Variants in KDM4C observed in about 807,000 individuals in gnomAD.
KDM4C encodes the protein lysine-specific demethylase 4C.
Under a neutral mutation model 129.3 loss-of-function variants are expected in KDM4C, and 81 were observed. The observed-to-expected ratio is 0.63, with a 90% CI of 0.52 to 0.75. The LOEUF (loss-of-function observed/expected upper bound fraction) is 0.75, where lower values mean the gene tolerates loss of function less well. KDM4C is among the 30% of genes least tolerant of loss of function. The probability of loss-of-function intolerance (pLI) is 0.00; values close to 1 mark genes in which losing one functional copy is unlikely to be tolerated. For synonymous variants in KDM4C, 573 were observed against 456.1 expected, an observed-to-expected ratio of 1.26 and a Z score of -3.26; for missense variants, 1,457 against 1,304.0, an observed-to-expected ratio of 1.12 and a Z score of -1.81.
chr9:6,998,241 T>G (rs1820121269), intron 12 of KDM4C, among the ~76,000 whole-genome samples: 1 of 152,200 alleles, frequency 6.6e-6, no homozygotes, highest in African/African-American at 2.4e-5. Flanking sequence ...ATTTATTTCT[T>G]GGGACGTCTG....
intron 19 of KDM4C, among the ~76,000 whole-genome samples, chr9:7,163,691 A>C (rs1844052262): frequency 6.6e-6 from 1 of 152,120 alleles, no homozygotes. Flanking sequence ...GTACCGCATA[A>C]ATCTTGGGAA....
intron 18 of KDM4C, among the ~76,000 whole-genome samples, chr9:7,115,993 C>T (rs1838854108): frequency 6.6e-6 from 1 of 152,182 alleles, no homozygotes; most frequent in Admixed American, 6.5e-5. Context: ...TTCTTGTCTT[C>T]TCATCCTACA....
At position 7,000,875 on chromosome 9, in the gene KDM4C, G is replaced by A. The variant is rs983824899; in HGVS notation, c.1786+10351G>A. Among the ~76,000 whole-genome samples, 12 of 152,138 alleles carry A rather than the reference G, an allele frequency of 7.9e-5. No homozygotes were observed. The East Asian group carries it at 2.3e-3, about 29-fold the overall frequency. On this transcript the variant is annotated intron_variant, in intron 12 of 21. Coordinates refer to ENST00000381309, the MANE Select transcript of KDM4C (RefSeq NM_015061.6). ...AATTAGCTCTGAAGATGTAGAATCA[G>A]CATGGAAAGTTTATGTATATTTCAA...
At chr9:6,797,208 A>T (rs1282826566) in intron 2 of KDM4C, among the ~76,000 whole-genome samples, 1 of 151,876 alleles carries the variant, frequency 6.6e-6, no homozygotes, top group African/African-American at 2.4e-5. Flanking sequence ...AGTGGTCTTG[A>T]ACTCCTGAGC....
chr9:6,767,036 TTGAA>T (rs1332042431), intron 1 of KDM4C, among the ~76,000 whole-genome samples: 1 of 152,208 alleles, frequency 6.6e-6, no homozygotes, highest in Non-Finnish European at 1.5e-5. Context: ...ATCAGATACT[TTGAA>T]TGGTCACAGG....
rs554170144 is a variant in KDM4C at position 6,850,859 on chromosome 9, A to G, written c.629+1159A>G. Among the ~76,000 whole-genome samples, 17 of 152,212 alleles carry G rather than the reference A, an allele frequency of 1.1e-4. No homozygotes were observed. The South Asian group carries it at 2.3e-3, about 20-fold the overall frequency. ...AACCTCCACCTCCTAGGTTCAAGCG[A>G]TTCTCCTGCCTCAGCCTCCCGAGTA... On this transcript the variant is annotated intron_variant, in intron 5 of 21. Transcript: ENST00000381309.
Position 7,018,742 on chromosome 9 carries a change from C to G in KDM4C, c.2259+2813C>G, listed in dbSNP as rs189838038. ...TAGGCCACTCACCCTGATTCTAAAG[C>G]TGGTTCTGATTGATTATGCTGTTTT... On this transcript the variant is annotated intron_variant, in intron 15 of 21. Transcript: ENST00000381309. Among the ~76,000 whole-genome samples the G allele has an allele frequency of 3.9e-4, 59 of 152,338 alleles. 1 individual carries two copies. In the Middle Eastern group the frequency reaches 0.014, roughly 35 times the overall value.
chr9:7,119,691 A>T (rs2133281688), intron 18 of KDM4C, among the ~76,000 whole-genome samples: 1 of 152,212 alleles, frequency 6.6e-6, no homozygotes, highest in Admixed American at 6.5e-5. Context: ...ATTTGTTTGT[A>T]ATCTTCTGTG....
chr9:6,935,047 G>C (rs1824507922), intron 8 of KDM4C, among the ~76,000 whole-genome samples: 1 of 151,640 alleles, frequency 6.6e-6, no homozygotes, highest in African/African-American at 2.4e-5. Flanking sequence ...CTGGTTTTGG[G>C]GAAAATTTTC....
intron 8 of KDM4C, among the ~76,000 whole-genome samples, chr9:6,894,281 G>A (rs897740321): frequency 6.6e-6 from 1 of 152,184 alleles, no homozygotes; most frequent in Non-Finnish European, 1.5e-5. Context: ...TTGACATAAA[G>A]GAAAGCCCCT....
At position 6,986,528 on chromosome 9, in the gene KDM4C, A is replaced by T; in HGVS notation, c.1539A>T (p.Ser513=). ...SELSWPKSPE[S]CSSVAESNGV... is the part of the protein sequence containing the mutation. Reference sequence around the variant, plus strand: ...TTTCATGGCCAAAGTCACCTGAGTCATGCTCATCAGTGGCAGAGAGTAATG... The same window carrying T: ...TTTCATGGCCAAAGTCACCTGAGTCTTGCTCATCAGTGGCAGAGAGTAATG... Residue 513 remains serine (S), a synonymous_variant, in exon 11 of 22, where the codon TCA becomes TCT. Coordinates refer to ENST00000381309, the MANE Select transcript of KDM4C (RefSeq NM_015061.6). The T allele has an allele frequency of 6.2e-7, 1 of 1,614,176 alleles. No individual in the cohort carries two copies. Among genetic ancestry groups the T allele is most frequent in the Non-Finnish European group, 8.5e-7 (1 of 1,180,020 alleles).
intron 18 of KDM4C, among the ~76,000 whole-genome samples, chr9:7,107,488 C>CTAAGGTTTTAGAAA (rs1837825977): frequency 6.6e-6 from 1 of 152,152 alleles, no homozygotes; most frequent in East Asian, 1.9e-4. Flanking sequence ...AATGTTTTTT[C>CTAAGGTTTTAGAAA]CTGGCAAGTT....
intron 1 of KDM4C, among the ~76,000 whole-genome samples, chr9:6,721,586 CTTT>C (rs59463106): frequency 0.015 from 1,967 of 127,242 alleles, 73 homozygotes; most frequent in Admixed American, 0.094. Flanking sequence ...GCCCGGCCCT[CTTT>C]TTTTTTTTTT....
rs145043487 is a variant in KDM4C at position 6,921,769 on chromosome 9, A to G, written c.921+28537A>G. Among the ~76,000 whole-genome samples, 399 of 152,058 alleles carry G rather than the reference A, an allele frequency of 2.6e-3. 2 individuals are homozygous for G. The highest frequency in any genetic ancestry group is 9.4e-3 in the African/African-American group (388 of 41,464). ...TACCATGGTGAGCAAATGCTACGTG[A>G]TCACTCCCTGCCCCAACCCCTACCC... On this transcript the variant is annotated intron_variant, in intron 8 of 21. Transcript: ENST00000381309.
At chr9:6,865,207 A>C (rs960299972) in intron 5 of KDM4C, among the ~76,000 whole-genome samples, 2 of 151,828 alleles carry the variant, frequency 1.3e-5, no homozygotes. Flanking sequence ...ACGGGGTTTC[A>C]CCGTGTTTGC....
chr9:6,850,732 A>T (rs929492699), intron 5 of KDM4C, among the ~76,000 whole-genome samples: 1 of 150,900 alleles, frequency 6.6e-6, no homozygotes, highest in Non-Finnish European at 1.5e-5. Flanking sequence ...ACACCCAGCC[A>T]ATGTATTTTT....
intron 15 of KDM4C, among the ~76,000 whole-genome samples, chr9:7,028,832 T>C (rs74862371): frequency 0.034 from 5,107 of 152,262 alleles, 122 homozygotes; most frequent in East Asian, 0.11. Flanking sequence ...TTGCTTTCTC[T>C]TGTAACTGGG....
intron 8 of KDM4C, among the ~76,000 whole-genome samples, chr9:6,933,817 T>C (rs1361738613): frequency 2.4e-5 from 2 of 84,952 alleles, no homozygotes; most frequent in African/African-American, 6.7e-5. Context: ...TTGAATTGCA[T>C]TTTTTTCCAG....
At chr9:6,755,458 G>A (rs1222574355), upstream of KDM4C, among the ~76,000 whole-genome samples, 1 of 151,964 alleles carries the variant, frequency 6.6e-6, no homozygotes, top group Non-Finnish European at 1.5e-5. Flanking sequence ...CAAGGCACGA[G>A]AATTGCTTGA....
Sources: allele counts gnomAD v4.1 joint callset (sites outside exome capture counted in the v4.1 genomes callset), GRCh38; gene constraint gnomAD v4.1.1; transcripts MANE v1.5; gene names NCBI Gene and HGNC (gene_info 2026-07-23, HGNC 2026-07-21).